Variants in PTPRM observed in about 807,000 individuals in gnomAD.
The protein encoded by PTPRM is protein tyrosine phosphatase receptor type M.
A neutral mutation model predicts 186.7 loss-of-function variants in PTPRM; 47 were observed. The ratio of observed to expected loss-of-function variants is 0.25; its 90% CI spans 0.20 to 0.32. The LOEUF (loss-of-function observed/expected upper bound fraction) is 0.32. Ranked by LOEUF, PTPRM falls within the 10% of genes least tolerant of loss-of-function variation. The pLI is 1.00. For synonymous variants in PTPRM, 668 were observed against 674.9 expected (o/e 0.99, Z 0.16); for missense variants, 1,494 against 1,865.0 (o/e 0.80, Z 3.66).
chr18:8,032,383 G>A (rs1188075881), intron 7 of PTPRM, among the ~76,000 whole-genome samples: 2 of 151,996 alleles, frequency 1.3e-5, no homozygotes, highest in African/African-American at 4.8e-5. Context: ...TGTTTCCACT[G>A]CTATTCCTAG....
At chr18:8,297,149 C>T (rs929369038) in intron 20 of PTPRM, among the ~76,000 whole-genome samples, 3 of 152,184 alleles carry the variant, frequency 2.0e-5, no homozygotes, top group Non-Finnish European at 2.9e-5. Flanking sequence ...CTAAACTGCT[C>T]TCCGTCATCC....
Position 7,926,599 on chromosome 18 carries a change from T to C in PTPRM, c.579T>C (p.Asn193=). 6.2e-7 allele frequency: 1 copy of C among 1,613,572 alleles called. No individual in the cohort carries two copies. Reference sequence around the variant, plus strand: ...CTCCTCACTTCCTGCGGATTCAGAATGTGGAAGTTAATGCTGGCCAGTTTG... The same window carrying C: ...CTCCTCACTTCCTGCGGATTCAGAACGTGGAAGTTAATGCTGGCCAGTTTG... The part of the protein sequence containing the change: ...TRTPHFLRIQ[N]VEVNAGQFAT... The change falls in exon 5 of 33, where the codon AAT becomes AAC. Residue 193 remains asparagine, a synonymous_variant. Transcript: ENST00000580170.
At chr18:8,121,875 C>G (rs2092187326) in intron 13 of PTPRM, 2 of 152,176 alleles carry the variant, frequency 1.3e-5, no homozygotes, top group South Asian at 2.1e-4. Flanking sequence ...ATGAATCTTT[C>G]AGCACCACAC....
chr18:7,697,204 C>T (rs1279697086), intron 1 of PTPRM, among the ~76,000 whole-genome samples: 1 of 152,100 alleles, frequency 6.6e-6, no homozygotes, highest in Non-Finnish European at 1.5e-5. Context: ...ATTATCTTCC[C>T]AGAACTGATT....
intron 14 of PTPRM, among the ~76,000 whole-genome samples, chr18:8,234,730 C>CT (rs966143875): frequency 4.8e-5 from 6 of 125,138 alleles, no homozygotes; most frequent in Non-Finnish European, 1.1e-4. Context: ...TTTAGTAGAT[C>CT]TTTTTTTTAT....
At position 8,052,378 on chromosome 18, in the gene PTPRM, A is replaced by G. The variant is rs2087569163; in HGVS notation, c.1133-17308A>G. On this transcript the variant is annotated intron_variant, in intron 7 of 32. Transcript: ENST00000580170. ...TACCACTGTGGTCCCATATGATTATAATACCATGTTTTCACTGTACCGTTT... is the reference window on the plus strand; with the variant it reads ...TACCACTGTGGTCCCATATGATTATGATACCATGTTTTCACTGTACCGTTT... Among the ~76,000 whole-genome samples the G allele has an allele frequency of 1.3e-5, 2 of 152,172 alleles. 1 individual carries two copies. The highest frequency in any genetic ancestry group is 4.1e-4 in the South Asian group (2 of 4,830).
At chr18:8,091,134 C>G (rs2090700597) in intron 11 of PTPRM, among the ~76,000 whole-genome samples, 1 of 152,138 alleles carries the variant, frequency 6.6e-6, no homozygotes, top group African/African-American at 2.4e-5. Flanking sequence ...ATTCTTACAT[C>G]TATAAAAATA....
intron 2 of PTPRM, among the ~76,000 whole-genome samples, chr18:7,835,782 T>A (rs1395311509): frequency 6.6e-6 from 1 of 152,162 alleles, no homozygotes; most frequent in Non-Finnish European, 1.5e-5. Flanking sequence ...ACAATCATTA[T>A]AGCCTCTTGC....
intron 7 of PTPRM, among the ~76,000 whole-genome samples, chr18:8,036,133 G>A (rs967936602): frequency 6.6e-6 from 1 of 152,184 alleles, no homozygotes. Flanking sequence ...AGGAAGACTT[G>A]GAGGATCATG....
chr18:7,989,479 A>G (rs931832828), intron 7 of PTPRM, among the ~76,000 whole-genome samples: 1 of 152,174 alleles, frequency 6.6e-6, no homozygotes, highest in East Asian at 1.9e-4. Flanking sequence ...AAGCATAATA[A>G]GAAGCACTTC....
chr18:8,361,109 G>A (rs2095594660), intron 23 of PTPRM: 1 of 152,146 alleles, frequency 6.6e-6, no homozygotes, highest in African/African-American at 2.4e-5. Flanking sequence ...AGAGGGTGAG[G>A]GTGGTGAGAC....
intron 1 of PTPRM, among the ~76,000 whole-genome samples, chr18:7,697,278 A>T (rs1199273851): frequency 2.0e-5 from 3 of 152,174 alleles, no homozygotes; most frequent in Non-Finnish European, 2.9e-5. Context: ...ACCCATCTGG[A>T]GGGTTTCTGC....
chr18:8,285,154 T>C (rs115548204), intron 19 of PTPRM, among the ~76,000 whole-genome samples: 1 of 152,362 alleles, frequency 6.6e-6, no homozygotes, highest in African/African-American at 2.4e-5. Flanking sequence ...TGGCACTTTA[T>C]ATATGCAAGC....
At chr18:8,155,589 A>T (rs1301308248) in intron 14 of PTPRM, among the ~76,000 whole-genome samples, 1 of 152,256 alleles carries the variant, frequency 6.6e-6, no homozygotes, top group Non-Finnish European at 1.5e-5. Flanking sequence ...TTTGGCACCC[A>T]TTCTATTATA....
chr18:8,008,009 T>C (rs1373579774), intron 7 of PTPRM, among the ~76,000 whole-genome samples: 2 of 152,162 alleles, frequency 1.3e-5, no homozygotes, highest in Non-Finnish European at 2.9e-5. Context: ...TGACAGCACA[T>C]CTTTGCCTAT....
intron 6 of PTPRM, among the ~76,000 whole-genome samples, chr18:7,952,249 C>T (rs1464067235): frequency 6.6e-6 from 1 of 152,228 alleles, no homozygotes; most frequent in Non-Finnish European, 1.5e-5. Context: ...ACTGCCATTA[C>T]TGGCTTGATT....
intron 6 of PTPRM, among the ~76,000 whole-genome samples, chr18:7,954,315 C>A (rs1568069643): frequency 1.3e-5 from 2 of 152,160 alleles, no homozygotes; most frequent in African/African-American, 4.8e-5. Context: ...TGCTTCAGAG[C>A]TTTCCTTTCT....
chr18:8,240,648 AG>A (rs1252261178), intron 14 of PTPRM, among the ~76,000 whole-genome samples: 47 of 34,420 alleles, frequency 1.4e-3, no homozygotes, highest in African/African-American at 3.4e-3. Flanking sequence ...AGAGAGAGAG[AG>A]AGAGAAAGAA....
intron 3 of PTPRM, among the ~76,000 whole-genome samples, chr18:7,889,888 G>T (rs1447978125): frequency 6.6e-6 from 1 of 152,186 alleles, no homozygotes; most frequent in Non-Finnish European, 1.5e-5. Context: ...TGGGGGCTCT[G>T]TGGAGACCTG....
Sources: allele counts gnomAD v4.1 joint callset (sites outside exome capture counted in the v4.1 genomes callset), GRCh38; gene constraint gnomAD v4.1.1; transcripts MANE v1.5; gene names NCBI Gene and HGNC (gene_info 2026-07-23, HGNC 2026-07-21).